Variants in GPHN observed in about 807,000 individuals in gnomAD.
The protein encoded by GPHN is gephyrin.
GPHN carries 17 observed loss-of-function variants against 95.5 expected under a neutral mutation model. The observed-to-expected ratio is 0.18, with a 90% CI of 0.12 to 0.27. GPHN has a LOEUF of 0.27. Ranked by LOEUF, GPHN falls within the 10% of genes least tolerant of loss-of-function variation. The pLI, the probability that GPHN is intolerant of heterozygous loss-of-function variation, is 1.00. For missense variants in GPHN, 660 were observed against 978.1 expected, an observed-to-expected ratio of 0.67 and a Z score of 4.34; for synonymous variants, 320 against 322.5, an observed-to-expected ratio of 0.99 and a Z score of 0.08.
chr14:67,730,732 T>C, the GPHN span, among the ~76,000 whole-genome samples: 1 of 152,072 alleles, frequency 6.6e-6, no homozygotes, highest in Admixed American at 6.6e-5. Context: ...GCCTCCTGAG[T>C]AGCTGGGATT....
the GPHN span, among the ~76,000 whole-genome samples, chr14:67,225,600 A>G: frequency 1.3e-5 from 2 of 152,132 alleles, no homozygotes; most frequent in African/African-American, 2.4e-5. Context: ...AGATCAGCCA[A>G]TACAATCAAG....
chr14:66,633,381 A>G (rs1341365561), intron 1 of GPHN, among the ~76,000 whole-genome samples: 1 of 152,186 alleles, frequency 6.6e-6, no homozygotes, highest in African/African-American at 2.4e-5. Flanking sequence ...CTGGCAGGCA[A>G]ACTTTTCTAT....
chr14:66,618,781 A>G lies in GPHN; in HGVS notation c.65-62326A>G, dbSNP rs1176842556. On this transcript the variant is annotated intron_variant, in intron 1 of 22. Transcript: ENST00000478722. ...GGTGGGAGGGTAGACATGACATGCAATAAACGGCACATTTTAAATTTATGG... is the reference window on the plus strand; with the variant it reads ...GGTGGGAGGGTAGACATGACATGCAGTAAACGGCACATTTTAAATTTATGG... Among the ~76,000 whole-genome samples, 7 of 152,156 alleles carry G rather than the reference A, an allele frequency of 4.6e-5. 1 individual carries two copies. The highest frequency in any genetic ancestry group is 7.4e-5 in the Non-Finnish European group (5 of 68,020).
At chr14:66,913,037 T>C (rs146823049) in intron 5 of GPHN, among the ~76,000 whole-genome samples, 1,909 of 152,274 alleles carry the variant, frequency 0.013, 20 homozygotes, top group Non-Finnish European at 0.019. Context: ...TAGTTTTTTA[T>C]CCAATATATC....
intron 1 of GPHN, among the ~76,000 whole-genome samples, chr14:66,625,131 A>G (rs2063471875): frequency 6.6e-6 from 1 of 151,824 alleles, no homozygotes. Flanking sequence ...ACCAGGTTGC[A>G]GTGCCGTGGT....
the GPHN span, chr14:67,352,850 CAA>C: frequency 0.053 from 35,575 of 672,276 alleles, 373 homozygotes; most frequent in Non-Finnish European, 0.062. Flanking sequence ...ATAACAACAA[CAA>C]AAAAAAAAAT....
chr14:67,600,390 C>T, the GPHN span: 2 of 545,632 alleles, frequency 3.7e-6, no homozygotes, highest in Non-Finnish European at 6.3e-6. Context: ...CCGGGCCGGC[C>T]TTGACTGTCT....
chr14:66,719,560 A>T (rs28691718), intron 2 of GPHN, among the ~76,000 whole-genome samples: 2 of 151,980 alleles, frequency 1.3e-5, no homozygotes, highest in Non-Finnish European at 2.9e-5. Flanking sequence ...TTCCTGATTT[A>T]TTCCTGCAGT....
chr14:67,651,208 T>C, the GPHN span: 4 of 1,246,410 alleles, frequency 3.2e-6, no homozygotes, highest in Non-Finnish European at 4.3e-6. Context: ...CTTGTTGCTG[T>C]TGTTCCTTCA....
At chr14:67,279,087 TGGA>T in the GPHN span, 2 of 1,256,552 alleles carry the variant, frequency 1.6e-6, no homozygotes, top group African/African-American at 1.5e-5. Context: ...TGAAGTAACA[TGGA>T]TTTTATACTA....
chr14:67,377,753 ACC>A, the GPHN span, among the ~76,000 whole-genome samples: 4 of 152,086 alleles, frequency 2.6e-5, no homozygotes, highest in African/African-American at 9.7e-5. Flanking sequence ...ATACTATAAA[ACC>A]CACTTCTCAA....
At chr14:66,657,059 T>A (rs1292816754) in intron 1 of GPHN, among the ~76,000 whole-genome samples, 2 of 152,090 alleles carry the variant, frequency 1.3e-5, no homozygotes, top group Non-Finnish European at 2.9e-5. Flanking sequence ...AAACTAAAAG[T>A]TTTTGAAAAA....
chr14:66,760,324 A>T (rs892387551), intron 2 of GPHN, among the ~76,000 whole-genome samples: 1 of 152,226 alleles, frequency 6.6e-6, no homozygotes, highest in Admixed American at 6.5e-5. Flanking sequence ...TATAATCTTT[A>T]GAGAGCCACA....
intron 1 of GPHN, among the ~76,000 whole-genome samples, chr14:66,641,874 G>A (rs781441781): frequency 6.6e-6 from 1 of 152,078 alleles, no homozygotes; most frequent in Non-Finnish European, 1.5e-5. Context: ...GTTTTTTAAA[G>A]TAAAAAAATG....
the GPHN span, among the ~76,000 whole-genome samples, chr14:67,342,243 A>G: frequency 6.6e-6 from 1 of 151,338 alleles, no homozygotes; most frequent in Non-Finnish European, 1.5e-5. Flanking sequence ...CACAAAGAAA[A>G]AAAGTAAAAT....
At chr14:66,823,494 G>A (rs1156336224) in intron 3 of GPHN, among the ~76,000 whole-genome samples, 3 of 152,016 alleles carry the variant, frequency 2.0e-5, no homozygotes, top group Non-Finnish European at 4.4e-5. Flanking sequence ...AACTATATCT[G>A]GGATCAAAGT....
chr14:66,811,472 A>G (rs1429833552), intron 3 of GPHN, among the ~76,000 whole-genome samples: 2 of 151,574 alleles, frequency 1.3e-5, no homozygotes, highest in Non-Finnish European at 2.9e-5. Flanking sequence ...TGTTGATTGA[A>G]TTATTTTTGG....
the GPHN span, among the ~76,000 whole-genome samples, chr14:67,468,602 C>A: frequency 0.014 from 2,083 of 152,068 alleles, 49 homozygotes; most frequent in African/African-American, 0.049. Context: ...AGGAAAGTGT[C>A]GAGAAAGGCA....
intron 4 of GPHN, among the ~76,000 whole-genome samples, chr14:66,850,039 T>C (rs545594609): frequency 2.6e-5 from 4 of 152,264 alleles, no homozygotes; most frequent in South Asian, 4.1e-4. Context: ...TGTGAGATTT[T>C]TTCATGGCTG....
Sources: allele counts gnomAD v4.1 joint callset (sites outside exome capture counted in the v4.1 genomes callset), GRCh38; gene constraint gnomAD v4.1.1; transcripts MANE v1.5; gene names NCBI Gene and HGNC (gene_info 2026-07-23, HGNC 2026-07-21).